Variants in CACNA1I observed in about 807,000 individuals in gnomAD.
The protein encoded by CACNA1I is calcium voltage-gated channel subunit alpha1 I, also known as voltage-dependent T-type calcium channel subunit alpha-1I.
Under a neutral mutation model 201.6 loss-of-function variants are expected in CACNA1I, and 74 were observed. The ratio of observed to expected loss-of-function variants is 0.37; its 90% CI spans 0.30 to 0.45. The LOEUF is 0.45. Among genes scored for constraint, CACNA1I ranks in the 20% least tolerant of loss-of-function variants. The pLI is 1.00. For synonymous variants in CACNA1I, 1,431 were observed against 1,345.2 expected, an observed-to-expected ratio of 1.06 and a Z score of -1.40; for missense variants, 2,346 against 3,138.1, an observed-to-expected ratio of 0.75 and a Z score of 6.03.
chr22:39,577,569 G>A (rs1481089738), intron 1 of CACNA1I, among the ~76,000 whole-genome samples: 4 of 152,256 alleles, frequency 2.6e-5, no homozygotes, highest in Admixed American at 6.5e-5. Context: ...TACATCCACC[G>A]AGCATTTCCT....
At chr22:39,571,034 G>T in intron 1 of CACNA1I, 46 bp downstream of exon 1, 1 of 1,512,162 alleles carries the variant, frequency 6.6e-7, no homozygotes, top group South Asian at 1.1e-5. Flanking sequence ...AGGGGCTGAA[G>T]GGTGGGGGGC....
At chr22:39,656,366 C>G (rs1934820622) in intron 10 of CACNA1I, 2 of 517,784 alleles carry the variant, frequency 3.9e-6, no homozygotes, top group African/African-American at 3.9e-5. Context: ...CCTGCACACC[C>G]TTCTCTGCTC....
At chr22:39,605,160 T>C (rs1377466800) in intron 3 of CACNA1I, among the ~76,000 whole-genome samples, 1 of 145,588 alleles carries the variant, frequency 6.9e-6, no homozygotes, top group African/African-American at 2.5e-5. Context: ...AACCGGCCTA[T>C]TTGCTCCCTT....
In CACNA1I at chr22:39,677,687, C is replaced by T. The variant is rs117069945; in HGVS notation, c.4933+268C>T. Among the ~76,000 whole-genome samples the T allele has an allele frequency of 4.2e-3, 645 of 152,292 alleles. 1 individual carries two copies. The highest frequency in any genetic ancestry group is 7.5e-3 in the Non-Finnish European group (510 of 68,010). On this transcript the variant is annotated intron_variant, in intron 30 of 36. Coordinates refer to ENST00000402142, the MANE Select transcript of CACNA1I (RefSeq NM_021096.4). This position sits in a 1 kb window ranked among gnomAD's most constrained non-coding sequence, Gnocchi z 4.8. Reference sequence around the variant, plus strand: ...GAGCAACAGAGCGCTCGCTGAGCTCCGCCCTGCACCGGGATGGCTCCAGAA... The same window carrying T: ...GAGCAACAGAGCGCTCGCTGAGCTCTGCCCTGCACCGGGATGGCTCCAGAA...
intron 4 of CACNA1I, among the ~76,000 whole-genome samples, chr22:39,623,752 G>A (rs902773315): frequency 6.7e-5 from 10 of 150,132 alleles, no homozygotes; most frequent in African/African-American, 2.2e-4. Flanking sequence ...GTGAACATGC[G>A]TGTGTCTATG....
chr22:39,599,588 C>A (rs1266564048), intron 2 of CACNA1I, among the ~76,000 whole-genome samples: 2 of 132,770 alleles, frequency 1.5e-5, no homozygotes, highest in East Asian at 4.5e-4. Context: ...CACTGCACTC[C>A]AGCCTGGGCG....
At chr22:39,683,424 C>CT (rs1172850602) in intron 35 of CACNA1I, among the ~76,000 whole-genome samples, 2 of 152,184 alleles carry the variant, frequency 1.3e-5, no homozygotes, top group Non-Finnish European at 2.9e-5. Context: ...AGCTGATGGG[C>CT]TCTCAGCTGG....
rs529486667 is a variant in CACNA1I at position 39,580,731 on chromosome 22, G to T, written c.236+9743G>T. Among the ~76,000 whole-genome samples the T allele has an allele frequency of 1.6e-4, 25 of 152,290 alleles. No homozygotes were observed. The South Asian group carries it at 5.2e-3, about 32-fold the overall frequency. The stretch of plus-strand genomic sequence containing the variant: ...TGGGCCACGGGTGGGTGTCTAGCAG[G>T]GGTGGGACTTGGGCAAATTCACTTA... On this transcript the variant is annotated intron_variant, in intron 1 of 36. Coordinates refer to ENST00000402142, the MANE Select transcript of CACNA1I (RefSeq NM_021096.4).
In CACNA1I at chr22:39,662,788, C is replaced by A; in HGVS notation, c.3385C>A (p.Arg1129Ser). 1 of 1,588,470 alleles carries A rather than the reference C, an allele frequency of 6.3e-7. No individual in the cohort carries two copies. The highest frequency in any genetic ancestry group is 2.3e-5 in the East Asian group (1 of 43,486). Residue 1129 changes from arginine to serine, a missense_variant, in exon 18 of 37, where the codon CGC becomes AGC. Arg to Ser is a moderately radical substitution (Grantham distance 110). Around this residue, in one of 13 missense-constraint regions of CACNA1I, gnomAD observed 158 missense variants for 231.6 expected, o/e 0.68. Coordinates refer to ENST00000402142, the MANE Select transcript of CACNA1I (RefSeq NM_021096.4). ...CTCCTCTTGCTAGACCCTGTGCTTC[C>A]GCGTCCGCAAGATGATCGACGTCTA... ...EEEIDYTLCF[R>S]VRKMIDVYKP...
In CACNA1I at chr22:39,646,794, G is replaced by A; in HGVS notation, c.1375G>A (p.Ala459Thr). The change falls in exon 8 of 37, where the codon GCC becomes ACC. Residue 459 changes from alanine to threonine, a missense_variant. Transcript: ENST00000402142. ...AKRRALGLYQ[A>T]LQSRRQALGP... ...GCGCCGCGCCCTGGGCCTCTACCAG[G>A]CCCTGCAGAGCCGGCGCCAGGCCCT... is the stretch of plus-strand genomic sequence containing the variant. 6.4e-7 allele frequency: 1 copy of A among 1,561,264 alleles called. No individual in the cohort carries two copies.
Position 39,677,857 on chromosome 22 carries a change from G to C in CACNA1I, c.4934-130G>C. ...TCCCCGAGCCTCAGTTTATCTGTGG[G>C]CTGGGCACAGTCTGCAGGCCCCTCC... On this transcript the variant is annotated intron_variant, in intron 30 of 36. Coordinates refer to ENST00000402142, the MANE Select transcript of CACNA1I (RefSeq NM_021096.4). This position sits in a 1 kb window ranked among gnomAD's most constrained non-coding sequence, Gnocchi z 4.8. 1 of 1,055,404 alleles carries C rather than the reference G, an allele frequency of 9.5e-7. No individual in the cohort carries two copies. Among genetic ancestry groups the C allele is most frequent in the South Asian group, 1.6e-5 (1 of 61,120 alleles). 65.4% of individuals were successfully genotyped at this position (1,055,404 alleles called of 1,614,324 possible).
Position 39,640,840 on chromosome 22 carries a change from CT to C in CACNA1I, c.741-23del, listed in dbSNP as rs774248351. ...TGACAGTGACCCCTCCCCTTTCCCT[CT>C]TTTACCCACCCTCGCCTGTGGACAG... is the stretch of plus-strand genomic sequence containing the variant. On this transcript the variant is annotated intron_variant, in intron 5 of 36. Coordinates refer to ENST00000402142, the MANE Select transcript of CACNA1I (RefSeq NM_021096.4). 1.9e-6 allele frequency: 3 copies of C among 1,580,496 alleles called. No homozygotes were observed. The Admixed American group carries it at 5.3e-5, about 28-fold the overall frequency.
chr22:39,641,030 G>C lies in CACNA1I; in HGVS notation c.904G>C (p.Asp302His). 1.2e-6 allele frequency: 2 copies of C among 1,614,044 alleles called. No individual in the cohort carries two copies. Among genetic ancestry groups the C allele is most frequent in the Middle Eastern group, 1.6e-4 (1 of 6,062 alleles). The part of the protein sequence containing the change: ...ECCLSKDDVY[D>H]FGAGRQDLNA... ...CTGCCTGTCCAAGGACGACGTCTAC[G>C]ACTTTGGGGCGGGGCGCCAGGACCT... Residue 302 changes from aspartate (D) to histidine (H), a missense_variant, in exon 6 of 37, where the codon GAC becomes CAC. Physicochemically the swap from Asp to His is moderately conservative, Grantham distance 81. Transcript: ENST00000402142.
chr22:39,665,761 C>A lies in CACNA1I; in HGVS notation c.3979-120C>A. 1 of 1,540,416 alleles carries A rather than the reference C, an allele frequency of 6.5e-7. No individual in the cohort carries two copies. Among genetic ancestry groups the A allele is most frequent in the Non-Finnish European group, 8.9e-7 (1 of 1,125,434 alleles). On this transcript the variant is annotated intron_variant, in intron 22 of 36. Transcript: ENST00000402142. The surrounding 1 kb of genome is among the most constrained non-coding windows in gnomAD (Gnocchi z 5.5). ...TGGGCTTCTCCTCCAGGGAGGGAGA[C>A]AGACATGGGCCCAGATGACTGAGCA...
rs1256470677 is a variant in CACNA1I at position 39,662,684 on chromosome 22, C to A, written c.3373-92C>A. On this transcript the variant is annotated intron_variant, in intron 17 of 36. Coordinates refer to ENST00000402142, the MANE Select transcript of CACNA1I (RefSeq NM_021096.4). ...GGGGGGCAGAGAGTTCGGAGGTGACCCTGCGACCCCAGTTGGCGCGATGGC... is the reference window on the plus strand; with the variant it reads ...GGGGGGCAGAGAGTTCGGAGGTGACACTGCGACCCCAGTTGGCGCGATGGC... The A allele has an allele frequency of 9.5e-6, 9 of 942,938 alleles. No individual in the cohort carries two copies. In the South Asian group the frequency reaches 1.0e-4, roughly 11 times the overall value. The allele number at this position is 942,938 out of a possible 1,614,324, so 58.4% of individuals were successfully genotyped here.
chr22:39,598,343 GC>G, intron 2 of CACNA1I, 81 bp downstream of exon 2: 1 of 426,242 alleles, frequency 2.3e-6, no homozygotes, highest in Non-Finnish European at 4.0e-6. Flanking sequence ...CCACACCCCC[GC>G]CCCATGTCCT....
At chr22:39,604,662 C>T (rs1038866017) in intron 3 of CACNA1I, among the ~76,000 whole-genome samples, 1 of 152,084 alleles carries the variant, frequency 6.6e-6, no homozygotes, top group African/African-American at 2.4e-5. Flanking sequence ...ACTGCAGCCT[C>T]GCCCTCCCTG....
Position 39,686,200 on chromosome 22 carries a change from C to G in CACNA1I, c.6467C>G (p.Thr2156Ser), listed in dbSNP as rs1370424967. Reference sequence around the variant, plus strand: ...ACGCCCGCCAGGAAGTTCAGCAGCACCAGCAGCCTGGCCGCCCCCGGCCGC... The same window carrying G: ...ACGCCCGCCAGGAAGTTCAGCAGCAGCAGCAGCCTGGCCGCCCCCGGCCGC... Reference protein sequence around the residue: ...GLTPARKFSSTSSLAAPGRPH... With the variant: ...GLTPARKFSSSSSLAAPGRPH... Residue 2156 changes from threonine (T) to serine (S), a missense_variant, in exon 37 of 37, where the codon ACC becomes AGC. Transcript: ENST00000402142. 3 of 1,269,110 alleles carry G rather than the reference C, an allele frequency of 2.4e-6. No individual in the cohort carries two copies. The East Asian group carries it at 1.0e-4, about 43-fold the overall frequency. The allele number at this position is 1,269,110 out of a possible 1,614,324, so 78.6% of individuals were successfully genotyped here.
Position 39,659,275 on chromosome 22 carries a change from T to C in CACNA1I, c.2331-158T>C, listed in dbSNP as rs1934921975. Among the ~76,000 whole-genome samples the C allele has an allele frequency of 6.6e-6, 1 of 152,038 alleles. No homozygotes were observed. Among genetic ancestry groups the C allele is most frequent in the African/African-American group, 2.4e-5 (1 of 41,384 alleles). The stretch of plus-strand genomic sequence containing the variant: ...AGTCCCCTGTGGCTTTCAGCAAGCA[T>C]GAACCCCTAAGCCTCAGTGTTCATC... On this transcript the variant is annotated intron_variant, in intron 12 of 36. Coordinates refer to ENST00000402142, the MANE Select transcript of CACNA1I (RefSeq NM_021096.4). This position sits in a 1 kb window ranked among gnomAD's most constrained non-coding sequence, Gnocchi z 4.3.
Sources: gnomAD v4.1 joint callset for allele counts (sites outside exome capture counted in the v4.1 genomes callset) on GRCh38, gnomAD v4.1.1 for gene constraint, gnomAD v4.1.1 regional missense constraint, Gnocchi (gnomAD v3.1) non-coding constraint, MANE v1.5 for transcripts, NCBI Gene and HGNC (gene_info 2026-07-23, HGNC 2026-07-21) for gene names.